The following ELOVL2 variants were observed in gnomAD, a reference collection of about 807,000 sequenced individuals.
ELOVL2 encodes very long chain fatty acid elongase 2.
ELOVL2 carries 38 observed loss-of-function variants against 37.7 expected under a neutral mutation model. That is an observed-to-expected ratio of 1.01 (90% confidence interval 0.78 to 1.32). The LOEUF (loss-of-function observed/expected upper bound fraction) is 1.32. Ranked by LOEUF, ELOVL2 falls within the 40% of genes most tolerant of loss-of-function variation. The pLI, the probability that ELOVL2 is intolerant of heterozygous loss-of-function variation, is 0.00. For missense variants in ELOVL2, 352 were observed against 363.6 expected, an observed-to-expected ratio of 0.97 and a Z score of 0.26; for synonymous variants, 115 against 122.3, an observed-to-expected ratio of 0.94 and a Z score of 0.40.
intron 1 of ELOVL2, among the ~76,000 whole-genome samples, chr6:11,037,064 TAGAGAGGC>T (rs1172893444): frequency 5.0e-5 from 6 of 120,212 alleles, no homozygotes; most frequent in African/African-American, 1.3e-4. Flanking sequence ...GGGAAAGAGA[TAGAGAGGC>T]AGAGAGGGAA....
At position 11,044,295 on chromosome 6, in the gene ELOVL2, TC is replaced by T; in HGVS notation, c.-66del. The T allele has an allele frequency of 8.1e-7, 1 of 1,236,718 alleles. No individual in the cohort carries two copies. Among genetic ancestry groups the T allele is most frequent in the Non-Finnish European group, 1.0e-6 (1 of 989,714 alleles). The allele number at this position is 1,236,718 out of a possible 1,614,324, so 76.6% of individuals were successfully genotyped here. ...CGATGCGCTGTCCAGGGTAGCCGGG[TC>T]CCTCTGCCCGGCGCTATCTCGGCGC... On this transcript the variant is annotated 5_prime_UTR_variant, in exon 1 of 8. Transcript: ENST00000354666. The surrounding 1 kb of genome is among the most constrained non-coding windows in gnomAD (Gnocchi z 5.6).
intron 4 of ELOVL2, among the ~76,000 whole-genome samples, chr6:10,998,880 AAAGTT>A (rs1782322345): frequency 3.3e-5 from 5 of 152,148 alleles, no homozygotes; most frequent in African/African-American, 2.4e-5. Context: ...AAAAACAAAT[AAAGTT>A]AATTCTGATA....
intron 3 of ELOVL2, 99 bp downstream of exon 3, chr6:11,005,273 A>T: frequency 9.3e-7 from 1 of 1,073,558 alleles, no homozygotes; most frequent in Non-Finnish European, 1.3e-6. Context: ...TTTAGGTCTT[A>T]AAGTAACCTT....
chr6:11,010,699 T>TTC, intron 2 of ELOVL2, 47 bp downstream of exon 2: 1 of 1,413,880 alleles, frequency 7.1e-7, no homozygotes, highest in Non-Finnish European at 1.0e-6. Flanking sequence ...CTAAATGGTG[T>TTC]TCTTCCTGTG....
intron 1 of ELOVL2, among the ~76,000 whole-genome samples, chr6:11,037,539 T>TA (rs35799154): frequency 1.2e-3 from 166 of 138,996 alleles, no homozygotes; most frequent in Middle Eastern, 3.9e-3. Context: ...CTCGTTCTAC[T>TA]AAAAAAAAAA....
At chr6:10,986,636 T>A (rs1236859387) in intron 7 of ELOVL2, among the ~76,000 whole-genome samples, 1 of 152,206 alleles carries the variant, frequency 6.6e-6, no homozygotes, top group Non-Finnish European at 1.5e-5. Flanking sequence ...GTTCTGTTTA[T>A]ATGCTGGATT....
At chr6:10,996,729 G>A (rs566029011) in intron 4 of ELOVL2, among the ~76,000 whole-genome samples, 1 of 150,778 alleles carries the variant, frequency 6.6e-6, no homozygotes, top group Admixed American at 6.6e-5. Context: ...TGTAATCCCA[G>A]CACTTTGGGA....
Position 11,024,926 on chromosome 6 carries a change from C to G in ELOVL2, c.4-14117G>C, listed in dbSNP as rs554023950. Among the ~76,000 whole-genome samples, 7 of 152,260 alleles carry G rather than the reference C, an allele frequency of 4.6e-5. No homozygotes were observed. In the East Asian group the frequency reaches 1.3e-3, roughly 29 times the overall value. On this transcript the variant is annotated intron_variant, in intron 1 of 7. Transcript: ENST00000354666. ...TACATTTGAGAGAAACTGTTTCTTT[C>G]TGAAACTTTCTTCTGCATCTGTATT...
chr6:10,997,727 A>G (rs1172374261), intron 4 of ELOVL2, among the ~76,000 whole-genome samples: 1 of 152,202 alleles, frequency 6.6e-6, no homozygotes, highest in African/African-American at 2.4e-5. Context: ...CGAATACTTC[A>G]GAGGGTTCTG....
At chr6:11,022,171 G>A (rs968710571) in intron 1 of ELOVL2, among the ~76,000 whole-genome samples, 1 of 152,196 alleles carries the variant, frequency 6.6e-6, no homozygotes, top group Non-Finnish European at 1.5e-5. Context: ...GAGGAGAAAG[G>A]TATTCTCCTC....
At chr6:10,988,325 G>T in intron 7 of ELOVL2, among the ~76,000 whole-genome samples, 1 of 152,232 alleles carries the variant, frequency 6.6e-6, no homozygotes, top group East Asian at 1.9e-4. Flanking sequence ...AGCACTCTGG[G>T]AGGCCAAGGT....
intron 4 of ELOVL2, among the ~76,000 whole-genome samples, chr6:10,997,878 A>G (rs1782300096): frequency 6.6e-6 from 1 of 152,134 alleles, no homozygotes; most frequent in Non-Finnish European, 1.5e-5. Context: ...TACCATCCAC[A>G]GGTGATTGCT....
intron 1 of ELOVL2, among the ~76,000 whole-genome samples, chr6:11,033,458 T>G (rs1166365976): frequency 1.3e-5 from 2 of 152,220 alleles, no homozygotes; most frequent in Non-Finnish European, 1.5e-5. Flanking sequence ...GGCTTTAGAT[T>G]AAGCACTGTT....
intron 1 of ELOVL2, among the ~76,000 whole-genome samples, chr6:11,023,017 T>C (rs1330054496): frequency 1.3e-5 from 2 of 152,200 alleles, no homozygotes; most frequent in Non-Finnish European, 2.9e-5. Flanking sequence ...TAATTAGAAA[T>C]AAAATTATTC....
intron 7 of ELOVL2, among the ~76,000 whole-genome samples, chr6:10,985,863 A>G (rs1331344301): frequency 2.0e-5 from 3 of 152,138 alleles, no homozygotes; most frequent in Non-Finnish European, 4.4e-5. Flanking sequence ...ACTTTAAAGT[A>G]GTTTTTTCCA....
chr6:10,990,372 A>C lies in ELOVL2; in HGVS notation c.576T>G (p.Phe192Leu), dbSNP rs776451613. Residue 192 changes from phenylalanine to leucine, a missense_variant, in exon 6 of 8, where the codon TTT (phenylalanine) becomes TTG (leucine). By Grantham distance (22) the Phe-to-Leu change is conservative (BLOSUM62 0). Transcript: ENST00000354666. ...ACCAAAGATACTTGTGCATAGATGG[A>C]AACACAGAAAGTCCATAGTAGGAGT... ...LMYSYYGLSV[F>L]PSMHKYLWWK... 6.2e-7 allele frequency: 1 copy of C among 1,613,090 alleles called. No homozygotes were observed. The highest frequency in any genetic ancestry group is 1.1e-5 in the South Asian group (1 of 90,694).
intron 2 of ELOVL2, among the ~76,000 whole-genome samples, 168 bp downstream of exon 2, chr6:11,010,578 G>C (rs756298825): frequency 2.6e-5 from 4 of 152,072 alleles, no homozygotes; most frequent in Non-Finnish European, 5.9e-5. Context: ...AGGAGAAATG[G>C]GATCTTCTGG....
At chr6:11,018,461 G>T (rs1177800352) in intron 1 of ELOVL2, among the ~76,000 whole-genome samples, 1 of 152,196 alleles carries the variant, frequency 6.6e-6, no homozygotes, top group East Asian at 1.9e-4. Flanking sequence ...TACACAAGAA[G>T]TATGGAGACA....
chr6:11,030,846 A>C (rs905313587), intron 1 of ELOVL2, among the ~76,000 whole-genome samples: 2 of 152,166 alleles, frequency 1.3e-5, no homozygotes, highest in Non-Finnish European at 2.9e-5. Context: ...CTAAGAAATG[A>C]AACACAACTG....
Sources: allele counts gnomAD v4.1 joint callset (sites outside exome capture counted in the v4.1 genomes callset), GRCh38; gene constraint gnomAD v4.1.1; non-coding constraint Gnocchi (gnomAD v3.1); transcripts MANE v1.5; gene names NCBI Gene and HGNC (gene_info 2026-07-23, HGNC 2026-07-21).